EHMT1: variants seen among roughly 807,000 people sequenced by gnomAD.
EHMT1 encodes histone-lysine N-methyltransferase EHMT1.
EHMT1 carries 15 observed loss-of-function variants against 147.2 expected under a neutral mutation model. The observed-to-expected ratio is 0.10, with a 90% CI of 0.07 to 0.16. The LOEUF (loss-of-function observed/expected upper bound fraction) is 0.16, where lower values mean the gene tolerates loss of function less well. Among genes scored for constraint, EHMT1 ranks in the 10% least tolerant of loss-of-function variants. The pLI is 1.00. For synonymous variants in EHMT1, 795 were observed against 709.6 expected, an observed-to-expected ratio of 1.12 and a Z score of -1.91; for missense variants, 1,587 against 1,772.4, an observed-to-expected ratio of 0.90 and a Z score of 1.88.
At position 137,793,021 on chromosome 9, in the gene EHMT1, G is replaced by T. The variant is rs189018613; in HGVS notation, c.2505+2051G>T. ...TTGGGGTTTCATGCGCGGCAAAGCA[G>T]CTCCCTCAGTACGATCTGTTGAAAG... On this transcript the variant is annotated intron_variant, in intron 16 of 26. Coordinates refer to ENST00000460843, the MANE Select transcript of EHMT1 (RefSeq NM_024757.5). Among the ~76,000 whole-genome samples, 630 of 152,290 alleles carry T rather than the reference G, an allele frequency of 4.1e-3. 2 individuals carry two copies. Among genetic ancestry groups the T allele is most frequent in the Non-Finnish European group, 7.2e-3 (491 of 68,014 alleles).
intron 1 of EHMT1, among the ~76,000 whole-genome samples, chr9:137,694,263 G>A (rs1158642021): frequency 7.8e-6 from 1 of 128,328 alleles, no homozygotes; most frequent in African/African-American, 3.1e-5. Flanking sequence ...CCACACAGTG[G>A]CGCAGGACGC....
intron 3 of EHMT1, among the ~76,000 whole-genome samples, chr9:137,718,997 T>C (rs7020554): frequency 0.21 from 31,451 of 151,958 alleles, 7,294 homozygotes; most frequent in African/African-American, 0.57. Flanking sequence ...AGGTGATCCA[T>C]GCGCCTCGGC....
At chr9:137,625,080 C>T (rs1217875673) in intron 1 of EHMT1, among the ~76,000 whole-genome samples, 2 of 151,534 alleles carry the variant, frequency 1.3e-5, no homozygotes, top group Non-Finnish European at 2.9e-5. Context: ...TGGGGTTTCG[C>T]CATATTGGCT....
At chr9:137,805,135 T>C (rs12344979) in intron 18 of EHMT1, among the ~76,000 whole-genome samples, 1 of 151,808 alleles carries the variant, frequency 6.6e-6, no homozygotes, top group African/African-American at 2.4e-5. Flanking sequence ...GTGTCTCTCA[T>C]CCGCATGTGT....
Position 137,835,202 on chromosome 9 carries a change from C to T in EHMT1, c.*249C>T. The stretch of plus-strand genomic sequence containing the variant: ...TGGAGCGCACACTTTGGTCCGCGCG[C>T]CAGAGACGCTGGGAGTCCGCACTGG... On this transcript the variant is annotated 3_prime_UTR_variant, in exon 27 of 27. Coordinates refer to ENST00000460843, the MANE Select transcript of EHMT1 (RefSeq NM_024757.5). 1 of 393,628 alleles carries T rather than the reference C, an allele frequency of 2.5e-6. No homozygotes were observed. Among genetic ancestry groups the T allele is most frequent in the Non-Finnish European group, 4.4e-6 (1 of 224,958 alleles). 24.4% of individuals were successfully genotyped at this position (393,628 alleles called of 1,614,324 possible). A position where few individuals can be genotyped will look rare whatever the true frequency, so the allele number is the denominator to read the frequency against.
chr9:137,731,403 A>C lies in EHMT1; in HGVS notation c.823+2874A>C, dbSNP rs987200240. On this transcript the variant is annotated intron_variant, in intron 4 of 26. Coordinates refer to ENST00000460843, the MANE Select transcript of EHMT1 (RefSeq NM_024757.5). The surrounding 1 kb of genome is among the most constrained non-coding windows in gnomAD (Gnocchi z 4.3). The stretch of plus-strand genomic sequence containing the variant: ...CGTGTTAACTAGAGAGGAGCATGGC[A>C]TGCCCAGCTGCCTTGTCTTGTGATG... 2.6e-5 allele frequency among the ~76,000 whole-genome samples: 4 copies of C among 152,194 alleles called. No homozygotes were observed. The highest frequency in any genetic ancestry group is 9.7e-5 in the African/African-American group (4 of 41,444).
chr9:137,826,284 C>T (rs1955809880), intron 25 of EHMT1, among the ~76,000 whole-genome samples: 1 of 152,338 alleles, frequency 6.6e-6, no homozygotes, highest in African/African-American at 2.4e-5. Context: ...TTATCTTCTT[C>T]TTTCCCTGTC....
intron 15 of EHMT1, among the ~76,000 whole-genome samples, chr9:137,790,077 C>A (rs1033989764): frequency 2.6e-5 from 4 of 152,222 alleles, no homozygotes; most frequent in Non-Finnish European, 5.9e-5. Flanking sequence ...TCCATATAGA[C>A]CATTCTAGGG....
At chr9:137,646,279 T>C in intron 1 of EHMT1, 1 of 934,108 alleles carries the variant, frequency 1.1e-6, no homozygotes, top group African/African-American at 1.8e-5. Flanking sequence ...TTTTTAAATG[T>C]AGATGCTAGA....
At chr9:137,759,325 C>CT (rs1176578621) in intron 9 of EHMT1, among the ~76,000 whole-genome samples, 2 of 152,168 alleles carry the variant, frequency 1.3e-5, no homozygotes, top group Non-Finnish European at 2.9e-5. Context: ...TCTAAACTTG[C>CT]TTTTAGATTT....
chr9:137,663,228 A>T (rs763899907), intron 1 of EHMT1, among the ~76,000 whole-genome samples: 51 of 151,966 alleles, frequency 3.4e-4, no homozygotes, highest in Non-Finnish European at 6.3e-4. Flanking sequence ...TAGCCTGTTA[A>T]TTTGGGGACT....
chr9:137,745,074 G>A (rs748058819), intron 6 of EHMT1, among the ~76,000 whole-genome samples: 2 of 152,196 alleles, frequency 1.3e-5, no homozygotes, highest in Non-Finnish European at 2.9e-5. Context: ...TTATTTAGAC[G>A]CAATCTTGTA....
At chr9:137,743,650 C>T in intron 5 of EHMT1, 122 bp downstream of exon 5, 2 of 1,438,476 alleles carry the variant, frequency 1.4e-6, no homozygotes, top group African/African-American at 1.4e-5. Flanking sequence ...CCATGAAGCT[C>T]CTCTGCCATA....
chr9:137,695,759 G>A (rs902032272), intron 1 of EHMT1, among the ~76,000 whole-genome samples: 4 of 152,214 alleles, frequency 2.6e-5, no homozygotes, highest in African/African-American at 4.8e-5. Flanking sequence ...TGAGGCCGCC[G>A]TCTGTGTCAT....
intron 1 of EHMT1, among the ~76,000 whole-genome samples, chr9:137,691,847 C>A (rs990026788): frequency 6.6e-6 from 1 of 152,158 alleles, no homozygotes; most frequent in African/African-American, 2.4e-5. Context: ...TGGCTCTTGG[C>A]TCCCGCCCAC....
intron 15 of EHMT1, chr9:137,784,205 G>A (rs1248796895): frequency 6.5e-7 from 1 of 1,549,980 alleles, no homozygotes; most frequent in African/African-American, 1.4e-5. Context: ...CACGCCAAGA[G>A]GAAGATGCTC....
At chr9:137,820,575 T>TG (rs1010030506) in intron 25 of EHMT1, among the ~76,000 whole-genome samples, 3 of 152,230 alleles carry the variant, frequency 2.0e-5, no homozygotes, top group African/African-American at 7.2e-5. Context: ...TTTGAAAACT[T>TG]GAATATTTCC....
intron 16 of EHMT1, among the ~76,000 whole-genome samples, chr9:137,793,019 C>G (rs1952643932): frequency 6.6e-6 from 1 of 152,154 alleles, no homozygotes; most frequent in Non-Finnish European, 1.5e-5. Flanking sequence ...CGCGGCAAAG[C>G]AGCTCCCTCA....
In EHMT1 at chr9:137,757,874, A is replaced by G. The variant is rs1044980776; in HGVS notation, c.1370-6A>G. ...GGTGTCTGATGTGTGTGCCTTTCAT[A>G]CCTAGGTTCTGAGTCGTATAAGTCA... is the stretch of plus-strand genomic sequence containing the variant. On this transcript the variant is annotated splice_region_variant and splice_polypyrimidine_tract_variant and intron_variant, in intron 8 of 26. Transcript: ENST00000460843. The G allele has an allele frequency of 1.2e-6, 2 of 1,613,514 alleles. No individual in the cohort carries two copies. The highest frequency in any genetic ancestry group is 1.3e-5 in the African/African-American group (1 of 74,816).
Sources: gnomAD v4.1 joint callset for allele counts (sites outside exome capture counted in the v4.1 genomes callset) on GRCh38, gnomAD v4.1.1 for gene constraint, Gnocchi (gnomAD v3.1) non-coding constraint, MANE v1.5 for transcripts, NCBI Gene and HGNC (gene_info 2026-07-23, HGNC 2026-07-21) for gene names.